The following BIVM variants were observed in gnomAD, a reference collection of about 807,000 sequenced individuals.
BIVM encodes basic immunoglobulin-like variable motif-containing protein.
BIVM carries 31 observed loss-of-function variants against 61.4 expected under a neutral mutation model. The ratio of observed to expected loss-of-function variants is 0.51; its 90% CI spans 0.38 to 0.68. The LOEUF (loss-of-function observed/expected upper bound fraction) is 0.68. Among genes scored for constraint, BIVM ranks in the 30% least tolerant of loss-of-function variants. The pLI, the probability that BIVM is intolerant of heterozygous loss-of-function variation, is 0.00. For synonymous variants in BIVM, 189 were observed against 210.7 expected, an observed-to-expected ratio of 0.90 and a Z score of 0.89; for missense variants, 526 against 596.0, an observed-to-expected ratio of 0.88 and a Z score of 1.22.
rs1176088337 is a variant in BIVM at position 102,807,790 on chromosome 13, A to G, written c.478+45A>G. On this transcript the variant is annotated intron_variant, in intron 3 of 10. Coordinates refer to ENST00000257336, the MANE Select transcript of BIVM (RefSeq NM_017693.4). This position sits in a 1 kb window ranked among gnomAD's most constrained non-coding sequence, Gnocchi z 4.0. ...GTTCATATGTGAAAATAATGAGAAA[A>G]CAAACACTATGTCTTGTTTAATCTT... 2 of 1,536,226 alleles carry G rather than the reference A, an allele frequency of 1.3e-6. No homozygotes were observed. The highest frequency in any genetic ancestry group is 4.5e-5 in the East Asian group (2 of 44,390).
intron 1 of BIVM, among the ~76,000 whole-genome samples, chr13:102,800,210 G>C (rs1878654735): frequency 6.6e-6 from 1 of 152,236 alleles, no homozygotes; most frequent in African/African-American, 2.4e-5. Flanking sequence ...TCGAATCGGA[G>C]CCCCAGCTCT....
chr13:102,837,291 G>T (rs1881543057), intron 9 of BIVM, among the ~76,000 whole-genome samples: 2 of 151,544 alleles, frequency 1.3e-5, no homozygotes, highest in Non-Finnish European at 3.0e-5. Flanking sequence ...AAGAAAGAAA[G>T]AATTCATAGT....
chr13:102,806,632 C>T lies in BIVM; in HGVS notation c.-122-514C>T, dbSNP rs111616381. On this transcript the variant is annotated intron_variant, in intron 2 of 10. Transcript: ENST00000257336. ...TTTAAAAATTGGGCTATTTGCTGGCCGGGCATGGTGGCTCACATCTGTAAT... is the reference window on the plus strand; with the variant it reads ...TTTAAAAATTGGGCTATTTGCTGGCTGGGCATGGTGGCTCACATCTGTAAT... Among the ~76,000 whole-genome samples the T allele has an allele frequency of 4.0e-3, 603 of 151,174 alleles. 7 individuals are homozygous for T. Among genetic ancestry groups the T allele is most frequent in the African/African-American group, 0.014 (576 of 41,226 alleles).
chr13:102,825,220 C>G (rs1174213192), intron 7 of BIVM, among the ~76,000 whole-genome samples: 1 of 152,126 alleles, frequency 6.6e-6, no homozygotes, highest in African/African-American at 2.4e-5. Flanking sequence ...GCTGGGATTA[C>G]AGGTGTGAAC....
chr13:102,816,751 C>T (rs1879890990), intron 4 of BIVM, 197 bp downstream of exon 4: 1 of 409,116 alleles, frequency 2.4e-6, no homozygotes, highest in African/African-American at 2.1e-5. Context: ...TGGTCTTTCC[C>T]AAACTCGGCT....
At chr13:102,823,348 C>G (rs548426705) in intron 7 of BIVM, among the ~76,000 whole-genome samples, 2 of 152,328 alleles carry the variant, frequency 1.3e-5, no homozygotes, top group South Asian at 4.1e-4. Flanking sequence ...TTGCTTTCTA[C>G]ACATACTAGT....
rs986921159 is a variant in BIVM at position 102,835,013 on chromosome 13, G to A, written c.1121+461G>A. On this transcript the variant is annotated intron_variant, in intron 9 of 10. Transcript: ENST00000257336. ...TGGTCTCTTGTCAATGAAGCTCTTG[G>A]GAACATTCATGTACAAGCCTTGAAA... 1.6e-4 allele frequency among the ~76,000 whole-genome samples: 24 copies of A among 152,008 alleles called. 1 individual carries two copies. In the South Asian group the frequency reaches 4.8e-3, roughly 31 times the overall value.
intron 1 of BIVM, 28 bp downstream of exon 1, chr13:102,799,549 A>T (rs1878599555): frequency 2.0e-5 from 3 of 152,226 alleles, no homozygotes; most frequent in Admixed American, 2.0e-4. Context: ...GCAGGGGCCG[A>T]GGTGGCGGCC....
At chr13:102,836,345 C>G (rs1450430487) in intron 9 of BIVM, among the ~76,000 whole-genome samples, 2 of 152,180 alleles carry the variant, frequency 1.3e-5, no homozygotes, top group East Asian at 1.9e-4. Flanking sequence ...CAGGGTCTCT[C>G]TCTATCACCC....
chr13:102,834,803 A>C (rs1182929748), intron 9 of BIVM, among the ~76,000 whole-genome samples: 1 of 152,210 alleles, frequency 6.6e-6, no homozygotes, highest in Non-Finnish European at 1.5e-5. Flanking sequence ...AATTCCATGT[A>C]AAGAGAATCA....
chr13:102,828,401 T>C (rs1390946605), intron 7 of BIVM, among the ~76,000 whole-genome samples: 1 of 152,144 alleles, frequency 6.6e-6, no homozygotes, highest in Non-Finnish European at 1.5e-5. Flanking sequence ...GGTATTGCAG[T>C]TCATAACTTT....
chr13:102,829,865 AATT>A (rs869247754), intron 7 of BIVM, among the ~76,000 whole-genome samples: 1 of 99,832 alleles, frequency 1.0e-5, no homozygotes, highest in African/African-American at 3.7e-5. Flanking sequence ...TAAAATAAAT[AATT>A]AAATAAATGC....
chr13:102,801,057 C>T (rs1015133420), intron 1 of BIVM, among the ~76,000 whole-genome samples: 9 of 152,140 alleles, frequency 5.9e-5, no homozygotes, highest in Admixed American at 5.9e-4. Flanking sequence ...TACAAATGGA[C>T]GTTTATTTTA....
At chr13:102,824,457 T>C (rs1021088976) in intron 7 of BIVM, among the ~76,000 whole-genome samples, 3 of 152,248 alleles carry the variant, frequency 2.0e-5, no homozygotes, top group Non-Finnish European at 4.4e-5. Context: ...GGGGGTCATC[T>C]TGTATAACCA....
intron 2 of BIVM, among the ~76,000 whole-genome samples, chr13:102,805,638 T>C (rs1201657149): frequency 6.6e-6 from 1 of 152,178 alleles, no homozygotes; most frequent in East Asian, 1.9e-4. Flanking sequence ...AATATTATCA[T>C]TATTACAAAA....
At chr13:102,823,227 G>A (rs1880419779) in intron 7 of BIVM, among the ~76,000 whole-genome samples, 1 of 152,068 alleles carries the variant, frequency 6.6e-6, no homozygotes, top group African/African-American at 2.4e-5. Flanking sequence ...ATCAATAGAG[G>A]GTATATGGTT....
chr13:102,824,837 G>A (rs1007574761), intron 7 of BIVM, among the ~76,000 whole-genome samples: 4 of 152,110 alleles, frequency 2.6e-5, no homozygotes, highest in African/African-American at 9.7e-5. Context: ...ATGGCTTACT[G>A]CAGCCTTGAA....
At chr13:102,801,148 T>A (rs1407832792) in intron 1 of BIVM, among the ~76,000 whole-genome samples, 2 of 152,256 alleles carry the variant, frequency 1.3e-5, no homozygotes, top group Non-Finnish European at 2.9e-5. Flanking sequence ...AATTTTTGCT[T>A]TGCATACGAG....
intron 3 of BIVM, among the ~76,000 whole-genome samples, chr13:102,814,079 A>T (rs771357854): frequency 4.6e-5 from 7 of 151,686 alleles, no homozygotes; most frequent in Non-Finnish European, 1.0e-4. Flanking sequence ...TTGTGTGTGT[A>T]TGTGTCTGTG....
Sources: gnomAD v4.1 joint callset for allele counts (sites outside exome capture counted in the v4.1 genomes callset) on GRCh38, gnomAD v4.1.1 for gene constraint, Gnocchi (gnomAD v3.1) non-coding constraint, MANE v1.5 for transcripts, NCBI Gene and HGNC (gene_info 2026-07-23, HGNC 2026-07-21) for gene names.